Variants in MSRA observed in about 807,000 individuals in gnomAD.
The protein encoded by MSRA is methionine sulfoxide reductase A.
In MSRA, 54 loss-of-function variants were observed where a neutral mutation model predicts 31.3. The ratio of observed to expected loss-of-function variants is 1.73; its 90% CI spans 1.39 to 2.17. The LOEUF (loss-of-function observed/expected upper bound fraction) is 2.17. Ranked by LOEUF, MSRA falls within the 30% of genes most tolerant of loss-of-function variation. The pLI is 0.00. For missense variants in MSRA, 507 were observed against 300.9 expected (o/e 1.69, Z -5.07); for synonymous variants, 169 against 116.5 (o/e 1.45, Z -2.90).
intron 5 of MSRA, among the ~76,000 whole-genome samples, chr8:10,426,737 ACTTC>A (rs1364365810): frequency 3.3e-5 from 5 of 152,150 alleles, no homozygotes; most frequent in Non-Finnish European, 5.9e-5. Flanking sequence ...TAATAATAGG[ACTTC>A]CTTCCCGTGG....
In MSRA at chr8:10,145,197, G is replaced by A. The variant is rs114613830; in HGVS notation, c.143-62636G>A. 3.1e-3 allele frequency among the ~76,000 whole-genome samples: 479 copies of A among 152,294 alleles called. 2 individuals carry two copies. The highest frequency in any genetic ancestry group is 0.011 in the African/African-American group (457 of 41,554). On this transcript the variant is annotated intron_variant, in intron 1 of 5. Transcript: ENST00000317173. The stretch of plus-strand genomic sequence containing the variant: ...AGGCAGGGCCTATGCAGTGCGAGGC[G>A]AGAACCGTCCGATCGGAGCACCTGT...
intron 1 of MSRA, among the ~76,000 whole-genome samples, chr8:10,173,496 C>A (rs1282540510): frequency 6.6e-6 from 1 of 152,212 alleles, no homozygotes; most frequent in Non-Finnish European, 1.5e-5. Flanking sequence ...TTCCGTGAAT[C>A]CTGAACCCTG....
chr8:10,140,537 T>C (rs922149649), intron 1 of MSRA, among the ~76,000 whole-genome samples: 10 of 152,208 alleles, frequency 6.6e-5, no homozygotes, highest in African/African-American at 2.2e-4. Context: ...ATTCACGTTT[T>C]AGCATACCAA....
chr8:10,247,757 G>A (rs990463204), intron 3 of MSRA, among the ~76,000 whole-genome samples: 1 of 152,066 alleles, frequency 6.6e-6, no homozygotes, highest in Non-Finnish European at 1.5e-5. Flanking sequence ...AAGGAGAGAC[G>A]ATTTCTTTCC....
intron 5 of MSRA, among the ~76,000 whole-genome samples, chr8:10,391,550 G>C (rs1464656532): frequency 6.6e-6 from 1 of 152,220 alleles, no homozygotes; most frequent in African/African-American, 2.4e-5. Flanking sequence ...TTTTACTACT[G>C]ATGAACCCAA....
chr8:10,088,883 G>C (rs926692824), intron 1 of MSRA, among the ~76,000 whole-genome samples: 3 of 152,176 alleles, frequency 2.0e-5, no homozygotes, highest in Admixed American at 1.3e-4. Context: ...TGCAGACACA[G>C]AGAGAGAAAT....
intron 3 of MSRA, among the ~76,000 whole-genome samples, chr8:10,278,803 T>C (rs1161225863): frequency 1.3e-5 from 2 of 152,242 alleles, no homozygotes; most frequent in Non-Finnish European, 2.9e-5. Flanking sequence ...TTAGACAGTC[T>C]TTTAAAGTTG....
chr8:10,054,806 G>T lies in MSRA; in HGVS notation c.142+148G>T, dbSNP rs536968805. The T allele has an allele frequency of 5.0e-5, 41 of 816,642 alleles. 1 individual carries two copies. In the South Asian group the frequency reaches 1.6e-3, roughly 32 times the overall value. 50.6% of individuals were successfully genotyped at this position (816,642 alleles called of 1,614,324 possible). On this transcript the variant is annotated intron_variant, in intron 1 of 5. Coordinates refer to ENST00000317173, the MANE Select transcript of MSRA (RefSeq NM_012331.5). ...GGGGTCTGCGCAGGCGCGAAGGGGC[G>T]CCGGCAGTGGCCGGGGAGACGCTGG... is the stretch of plus-strand genomic sequence containing the variant.
At position 10,272,136 on chromosome 8, in the gene MSRA, A is replaced by G. The variant is rs181610502; in HGVS notation, c.331+26913A>G. 3.3e-3 allele frequency among the ~76,000 whole-genome samples: 500 copies of G among 152,262 alleles called. 3 individuals are homozygous for G. Among genetic ancestry groups the G allele is most frequent in the African/African-American group, 0.011 (477 of 41,556 alleles). On this transcript the variant is annotated intron_variant, in intron 3 of 5. Transcript: ENST00000317173. ...ATGAAAGCTTATTTCCTCTATCTGG[A>G]GTTATTCCCTTCACTTTGTTCTTTG...
chr8:10,188,761 A>G (rs890015490), intron 1 of MSRA, among the ~76,000 whole-genome samples: 14 of 152,162 alleles, frequency 9.2e-5, no homozygotes, highest in African/African-American at 3.4e-4. Flanking sequence ...CCATTACCAC[A>G]CTGTCTTGAT....
chr8:10,140,191 G>T (rs1017072325), intron 1 of MSRA, among the ~76,000 whole-genome samples: 12 of 152,184 alleles, frequency 7.9e-5, no homozygotes, highest in African/African-American at 2.2e-4. Context: ...AGCAAGTCCT[G>T]TTGGTTCTGA....
At chr8:10,304,185 C>A (rs1801001739) in intron 4 of MSRA, among the ~76,000 whole-genome samples, 1 of 152,228 alleles carries the variant, frequency 6.6e-6, no homozygotes, top group South Asian at 2.1e-4. Flanking sequence ...GATCCACCCT[C>A]CTTGGCCTCC....
intron 1 of MSRA, among the ~76,000 whole-genome samples, chr8:10,114,344 G>T (rs1800518089): frequency 6.6e-6 from 1 of 152,134 alleles, no homozygotes; most frequent in South Asian, 2.1e-4. Context: ...TTATCTGGGG[G>T]CCAGACGTAA....
rs141592033 is a variant in MSRA, at chr8:10,204,427, T to A, written c.143-3406T>A. Among the ~76,000 whole-genome samples, 285 of 152,344 alleles carry A rather than the reference T, an allele frequency of 1.9e-3. 3 individuals carry two copies. Among genetic ancestry groups the A allele is most frequent in the African/African-American group, 6.5e-3 (270 of 41,572 alleles). On this transcript the variant is annotated intron_variant, in intron 1 of 5. Coordinates refer to ENST00000317173, the MANE Select transcript of MSRA (RefSeq NM_012331.5). ...ACCCTAGACAGGTGTACCTTTTTTTTAAATCTTTTATACTGTATTTTTACC... is the reference window on the plus strand; with the variant it reads ...ACCCTAGACAGGTGTACCTTTTTTTAAAATCTTTTATACTGTATTTTTACC...
intron 3 of MSRA, among the ~76,000 whole-genome samples, chr8:10,283,662 G>C (rs1028972384): frequency 2.0e-5 from 3 of 150,886 alleles, no homozygotes; most frequent in African/African-American, 7.3e-5. Flanking sequence ...TCATAGCTTA[G>C]CTCCCACTTA....
intron 5 of MSRA, among the ~76,000 whole-genome samples, chr8:10,321,446 G>A (rs62490327): frequency 0.058 from 8,794 of 152,072 alleles, 381 homozygotes; most frequent in East Asian, 0.24. Context: ...TGAGGGAGGC[G>A]CTGACAGAGC....
intron 5 of MSRA, among the ~76,000 whole-genome samples, chr8:10,416,403 G>A (rs751118865): frequency 2.8e-4 from 42 of 152,336 alleles, no homozygotes; most frequent in African/African-American, 9.9e-4. Context: ...GAAAACCAAC[G>A]CAGGAAATAA....
intron 5 of MSRA, among the ~76,000 whole-genome samples, chr8:10,361,786 A>G (rs1804861684): frequency 6.6e-6 from 1 of 152,206 alleles, no homozygotes; most frequent in South Asian, 2.1e-4. Context: ...ATAAATATAT[A>G]TGACTTTTGT....
chr8:10,349,116 C>T (rs1167677132), intron 5 of MSRA, among the ~76,000 whole-genome samples: 1 of 152,146 alleles, frequency 6.6e-6, no homozygotes, highest in Non-Finnish European at 1.5e-5. Context: ...TTAGATAATG[C>T]AAATTATACA....
Sources: allele counts gnomAD v4.1 joint callset (sites outside exome capture counted in the v4.1 genomes callset), GRCh38; gene constraint gnomAD v4.1.1; transcripts MANE v1.5; gene names NCBI Gene and HGNC (gene_info 2026-07-23, HGNC 2026-07-21).